ZNRF1: variants seen among roughly 807,000 people sequenced by gnomAD.
ZNRF1 encodes the protein E3 ubiquitin-protein ligase ZNRF1.
In ZNRF1, 3 loss-of-function variants were observed where a neutral mutation model predicts 18.4. The observed-to-expected ratio is 0.16, with a 90% confidence interval of 0.07 to 0.42. The LOEUF is 0.42. Ranked by LOEUF, ZNRF1 falls within the 10% of genes least tolerant of loss-of-function variation. The pLI, the probability that ZNRF1 is intolerant of heterozygous loss-of-function variation, is 0.99. For synonymous variants in ZNRF1, 157 were observed against 144.2 expected (o/e 1.09, Z -0.64); for missense variants, 310 against 329.8 (o/e 0.94, Z 0.47).
intron 1 of ZNRF1, among the ~76,000 whole-genome samples, chr16:75,069,776 G>T (rs529768622): frequency 6.6e-6 from 1 of 152,132 alleles, no homozygotes; most frequent in African/African-American, 2.4e-5. Context: ...CTTCCCCCTG[G>T]GCCTCGGCCC....
chr16:75,002,832 T>C (rs1166641169), intron 1 of ZNRF1, among the ~76,000 whole-genome samples: 1 of 152,244 alleles, frequency 6.6e-6, no homozygotes, highest in African/African-American at 2.4e-5. Context: ...CATTCCCTAA[T>C]CCTAGAGTGC....
intron 1 of ZNRF1, among the ~76,000 whole-genome samples, chr16:75,010,714 T>TTTG (rs1471109487): frequency 5.1e-5 from 6 of 118,496 alleles, no homozygotes; most frequent in South Asian, 3.0e-4. Context: ...TTTTTTTGTT[T>TTTG]TTTTGTTTTT....
intron 1 of ZNRF1, among the ~76,000 whole-genome samples, chr16:75,039,053 A>G (rs559482393): frequency 2.6e-5 from 4 of 152,302 alleles, no homozygotes; most frequent in Admixed American, 6.5e-5. Context: ...CTTGAATTGA[A>G]CCATTGAAAA....
intron 1 of ZNRF1, among the ~76,000 whole-genome samples, chr16:75,084,043 C>A (rs751008614): frequency 6.6e-6 from 1 of 152,188 alleles, no homozygotes; most frequent in Non-Finnish European, 1.5e-5. Context: ...CATTGTTACT[C>A]AGGGACCTAA....
At chr16:75,036,147 A>G (rs1035063758) in intron 1 of ZNRF1, among the ~76,000 whole-genome samples, 2 of 152,114 alleles carry the variant, frequency 1.3e-5, no homozygotes, top group African/African-American at 4.8e-5. Context: ...CTCAGCTCAC[A>G]GCAGCCTTGA....
At chr16:75,104,686 C>A (rs952153064) in intron 2 of ZNRF1, 98 bp from the exon 3 acceptor site, 3 of 1,028,008 alleles carry the variant, frequency 2.9e-6, no homozygotes, top group Non-Finnish European at 4.4e-6. Flanking sequence ...CAGCTTGGGG[C>A]AGCTAAGCAG....
chr16:75,072,958 C>G (rs1301967763), intron 1 of ZNRF1, among the ~76,000 whole-genome samples: 2 of 152,154 alleles, frequency 1.3e-5, no homozygotes, highest in African/African-American at 4.8e-5. Context: ...TCATCACACT[C>G]AACCGGTTAT....
At chr16:75,078,639 T>C (rs887399359) in intron 1 of ZNRF1, among the ~76,000 whole-genome samples, 7 of 152,208 alleles carry the variant, frequency 4.6e-5, no homozygotes, top group Admixed American at 3.9e-4. Flanking sequence ...TTTATGTTTC[T>C]GATGCCAATA....
chr16:75,096,493 C>T (rs1474200766), intron 2 of ZNRF1, among the ~76,000 whole-genome samples: 1 of 152,064 alleles, frequency 6.6e-6, no homozygotes, highest in African/African-American at 2.4e-5. Flanking sequence ...CTGCATGTTA[C>T]CTTTTCTAAT....
intron 1 of ZNRF1, among the ~76,000 whole-genome samples, chr16:75,020,440 AATTT>A (rs2035129011): frequency 6.6e-6 from 1 of 152,120 alleles, no homozygotes; most frequent in Admixed American, 6.6e-5. Flanking sequence ...TACCTTATGT[AATTT>A]ATTTAATATC....
At position 75,110,394 on chromosome 16, in the gene ZNRF1, A is replaced by AG. The variant is rs2036368567; in HGVS notation, c.*2695dup. Reference sequence around the variant, plus strand: ...GTTCTACCCTCTCTGCTAAGGGCCTAGCACACTTTGATGAGGTTCCTGGAC... The same window carrying AG: ...GTTCTACCCTCTCTGCTAAGGGCCTAGGCACACTTTGATGAGGTTCCTGGAC... On this transcript the variant is annotated 3_prime_UTR_variant, in exon 5 of 5. Transcript: ENST00000335325. 6.6e-6 allele frequency: 1 copy of AG among 152,380 alleles called. No individual in the cohort carries two copies. Among genetic ancestry groups the AG allele is most frequent in the Non-Finnish European group, 1.5e-5 (1 of 68,052 alleles). 9.4% of individuals were successfully genotyped at this position (152,380 alleles called of 1,614,324 possible). A position where few individuals can be genotyped will look rare whatever the true frequency, so the allele number is the denominator to read the frequency against.
chr16:75,033,607 T>C (rs1020073722), intron 1 of ZNRF1, among the ~76,000 whole-genome samples: 4 of 152,090 alleles, frequency 2.6e-5, no homozygotes, highest in Non-Finnish European at 4.4e-5. Context: ...TGGCTAATTT[T>C]TGTATTTTTG....
intron 1 of ZNRF1, 198 bp downstream of exon 1, chr16:75,000,293 T>C (rs1381444476): frequency 1.2e-6 from 1 of 819,548 alleles, no homozygotes; most frequent in East Asian, 2.7e-5. Flanking sequence ...AGCCTGGCGA[T>C]TTAGGGACTC....
chr16:75,081,217 C>G (rs2036008047), intron 1 of ZNRF1, among the ~76,000 whole-genome samples: 1 of 152,096 alleles, frequency 6.6e-6, no homozygotes, highest in Admixed American at 6.6e-5. Context: ...GGAAAACAGT[C>G]TATATCCAGG....
Position 74,999,727 on chromosome 16 carries a change from C to A in ZNRF1, c.56C>A (p.Ser19Tyr). The change falls in exon 1 of 5, where the codon TCC becomes TAC. Residue 19 changes from serine (S) to tyrosine (Y), a missense_variant. Physicochemically the swap from Ser to Tyr is moderately radical, Grantham distance 144. Around this residue, in one of 2 missense-constraint regions of ZNRF1, gnomAD observed 293 missense variants for 291.2 expected, o/e 1.01. Coordinates refer to ENST00000335325, the MANE Select transcript of ZNRF1 (RefSeq NM_032268.5). ...ARSRGPFPGVSTDDSAVPPPG... is the reference protein window; with the variant it reads ...ARSRGPFPGVYTDDSAVPPPG... ...TCCCGGGGCCCCTTCCCGGGGGTCT[C>A]CACCGATGACAGCGCCGTGCCGCCG... 1 of 1,384,530 alleles carries A rather than the reference C, an allele frequency of 7.2e-7. No individual in the cohort carries two copies. The allele number at this position is 1,384,530 out of a possible 1,614,324, so 85.8% of individuals were successfully genotyped here.
At chr16:75,032,133 G>A (rs1395730192) in intron 1 of ZNRF1, among the ~76,000 whole-genome samples, 6 of 126,226 alleles carry the variant, frequency 4.8e-5, no homozygotes, top group African/African-American at 9.4e-5. Context: ...TTTTTGATAC[G>A]GAGTCTTGCT....
intron 1 of ZNRF1, among the ~76,000 whole-genome samples, chr16:75,090,255 C>A (rs779860717): frequency 1.3e-5 from 2 of 152,214 alleles, no homozygotes; most frequent in Admixed American, 1.3e-4. Context: ...GACCCTGGAT[C>A]TGCACATTTC....
chr16:75,095,070 T>G (rs1361050735), intron 2 of ZNRF1: 1 of 152,442 alleles, frequency 6.6e-6, no homozygotes, highest in Non-Finnish European at 1.5e-5. Flanking sequence ...CTCAGAGCAT[T>G]TCCTGGGAAG....
intron 1 of ZNRF1, among the ~76,000 whole-genome samples, chr16:75,059,515 G>C (rs978985100): frequency 1.3e-5 from 2 of 152,010 alleles, no homozygotes; most frequent in Non-Finnish European, 2.9e-5. Flanking sequence ...TAAAGCATGA[G>C]AAATCTCAGA....
Sources: gnomAD v4.1 joint callset for allele counts (sites outside exome capture counted in the v4.1 genomes callset) on GRCh38, gnomAD v4.1.1 for gene constraint, gnomAD v4.1.1 regional missense constraint, MANE v1.5 for transcripts, NCBI Gene and HGNC (gene_info 2026-07-23, HGNC 2026-07-21) for gene names.